The following GPC6 variants were observed in gnomAD, a reference collection of about 807,000 sequenced individuals.
GPC6 encodes the protein glypican-6.
GPC6 carries 14 observed loss-of-function variants against 55.2 expected under a neutral mutation model. The observed-to-expected ratio is 0.25, with a 90% CI of 0.17 to 0.40. GPC6 has a LOEUF of 0.40. GPC6 is among the 10% of genes least tolerant of loss of function. The pLI, the probability that GPC6 is intolerant of heterozygous loss-of-function variation, is 1.00. For missense variants in GPC6, 641 were observed against 708.5 expected (o/e 0.90, Z 1.08); for synonymous variants, 278 against 259.6 (o/e 1.07, Z -0.68).
intron 2 of GPC6, among the ~76,000 whole-genome samples, chr13:93,829,827 T>C (rs181177461): frequency 3.0e-4 from 45 of 152,310 alleles, no homozygotes; most frequent in African/African-American, 1.0e-3. Context: ...TTGCAATATA[T>C]TTTGATTTGA....
At chr13:94,319,963 C>A (rs1876732163) in intron 6 of GPC6, among the ~76,000 whole-genome samples, 2 of 152,162 alleles carry the variant, frequency 1.3e-5, no homozygotes, top group Non-Finnish European at 2.9e-5. Context: ...TATTGCTTCA[C>A]CGTCTTTCAC....
At chr13:94,028,343 T>C (rs1882983910) in intron 4 of GPC6, among the ~76,000 whole-genome samples, 1 of 152,168 alleles carries the variant, frequency 6.6e-6, no homozygotes, top group Non-Finnish European at 1.5e-5. Context: ...TAAACATTAT[T>C]TTACATTTTC....
At chr13:93,272,488 G>C (rs1384513807) in intron 1 of GPC6, among the ~76,000 whole-genome samples, 1 of 81,398 alleles carries the variant, frequency 1.2e-5, no homozygotes, top group Non-Finnish European at 2.3e-5. Context: ...TTCATTGTCT[G>C]TGTGTATATA....
chr13:93,309,458 A>G (rs1476072881), intron 1 of GPC6, among the ~76,000 whole-genome samples: 2 of 152,138 alleles, frequency 1.3e-5, no homozygotes, highest in Admixed American at 6.5e-5. Context: ...TTATTTTAAA[A>G]GCACTTTGTC....
At chr13:94,098,821 G>A (rs1244814933) in intron 4 of GPC6, among the ~76,000 whole-genome samples, 3 of 152,098 alleles carry the variant, frequency 2.0e-5, no homozygotes, top group Non-Finnish European at 4.4e-5. Context: ...GGGACAATAA[G>A]AGTATTATAT....
At chr13:93,595,469 C>G (rs1594296780) in intron 2 of GPC6, among the ~76,000 whole-genome samples, 1 of 152,138 alleles carries the variant, frequency 6.6e-6, no homozygotes, top group African/African-American at 2.4e-5. Flanking sequence ...GCAAATACTA[C>G]TGCAACCTAG....
intron 4 of GPC6, among the ~76,000 whole-genome samples, chr13:94,128,519 A>C (rs1437904553): frequency 6.6e-6 from 1 of 152,142 alleles, no homozygotes; most frequent in Non-Finnish European, 1.5e-5. Flanking sequence ...TTTGGATCCT[A>C]GGTGACATAG....
intron 4 of GPC6, among the ~76,000 whole-genome samples, chr13:94,244,613 T>TA (rs1174205820): frequency 2.0e-5 from 3 of 152,122 alleles, no homozygotes; most frequent in Admixed American, 1.3e-4. Context: ...TTTTACTTTT[T>TA]AAAAAAATAG....
intron 6 of GPC6, among the ~76,000 whole-genome samples, chr13:94,341,567 A>C (rs992485463): frequency 1.3e-5 from 2 of 151,244 alleles, no homozygotes; most frequent in Non-Finnish European, 2.9e-5. Flanking sequence ...CCTGGGCAAC[A>C]AAAGCAAAAC....
chr13:93,664,530 C>T (rs936875432), intron 2 of GPC6, among the ~76,000 whole-genome samples: 3 of 152,090 alleles, frequency 2.0e-5, no homozygotes, highest in African/African-American at 7.2e-5. Flanking sequence ...AGTGAAACAC[C>T]CATGATGTTT....
At chr13:93,602,714 C>T (rs1416031696) in intron 2 of GPC6, among the ~76,000 whole-genome samples, 1 of 152,118 alleles carries the variant, frequency 6.6e-6, no homozygotes, top group Non-Finnish European at 1.5e-5. Context: ...ACATGGCATA[C>T]TTCTTTCATT....
At chr13:93,990,903 G>A (rs1453748007) in intron 3 of GPC6, among the ~76,000 whole-genome samples, 1 of 149,434 alleles carries the variant, frequency 6.7e-6, no homozygotes. Flanking sequence ...AGGGAGAGGG[G>A]AGAGAGAGAG....
At chr13:93,978,199 A>G (rs528275049) in intron 3 of GPC6, among the ~76,000 whole-genome samples, 1 of 152,308 alleles carries the variant, frequency 6.6e-6, no homozygotes, top group Admixed American at 6.5e-5. Context: ...TGAAAAAACA[A>G]TGAAGCAGAT....
chr13:93,575,047 A>G (rs970835741), intron 2 of GPC6, among the ~76,000 whole-genome samples: 1 of 152,094 alleles, frequency 6.6e-6, no homozygotes, highest in Non-Finnish European at 1.5e-5. Context: ...TAATCCCAGC[A>G]TTTTGGGAGG....
At chr13:93,672,956 A>G (rs1881432774) in intron 2 of GPC6, among the ~76,000 whole-genome samples, 1 of 152,132 alleles carries the variant, frequency 6.6e-6, no homozygotes, top group South Asian at 2.1e-4. Context: ...AAGTACATAG[A>G]AAAATAGATC....
At chr13:94,104,769 G>A (rs2138830868) in intron 4 of GPC6, among the ~76,000 whole-genome samples, 1 of 152,186 alleles carries the variant, frequency 6.6e-6, no homozygotes, top group Non-Finnish European at 1.5e-5. Context: ...GGGATGTGAA[G>A]GACCTCTTCA....
chr13:93,466,441 G>A (rs950570525), intron 1 of GPC6, among the ~76,000 whole-genome samples: 1 of 152,148 alleles, frequency 6.6e-6, no homozygotes, highest in African/African-American at 2.4e-5. Context: ...CTGTTAAAGA[G>A]TTACATTTCT....
chr13:93,390,150 A>G (rs2139216425), intron 1 of GPC6, among the ~76,000 whole-genome samples: 1 of 145,078 alleles, frequency 6.9e-6, no homozygotes, highest in African/African-American at 2.6e-5. Flanking sequence ...GAGAAGATAG[A>G]TGAGGTGGAA....
At chr13:94,345,437 A>G (rs764523640) in intron 6 of GPC6, among the ~76,000 whole-genome samples, 5 of 152,214 alleles carry the variant, frequency 3.3e-5, no homozygotes, top group Admixed American at 6.5e-5. Flanking sequence ...ATATGATTCA[A>G]TTTACCAAAT....
Sources: allele counts gnomAD v4.1 joint callset (sites outside exome capture counted in the v4.1 genomes callset), GRCh38; gene constraint gnomAD v4.1.1; transcripts MANE v1.5; gene names NCBI Gene and HGNC (gene_info 2026-07-23, HGNC 2026-07-21).